WWOX: variants seen among roughly 807,000 people sequenced by gnomAD.
WWOX encodes WW domain containing oxidoreductase, also known as WW domain-containing oxidoreductase.
A neutral mutation model predicts 46.2 loss-of-function variants in WWOX; 69 were observed. That is an observed-to-expected ratio of 1.49 (90% CI 1.23 to 1.82). The LOEUF (loss-of-function observed/expected upper bound fraction) is 1.82. Among genes scored for constraint, WWOX ranks in the 40% most tolerant of loss-of-function variants. The pLI is 0.00. For missense variants in WWOX, 919 were observed against 542.6 expected (o/e 1.69, Z -6.89); for synonymous variants, 359 against 202.6 (o/e 1.77, Z -6.56).
intron 8 of WWOX, among the ~76,000 whole-genome samples, chr16:78,816,397 A>G (rs113391395): frequency 6.6e-6 from 1 of 151,246 alleles, no homozygotes; most frequent in Non-Finnish European, 1.5e-5. Flanking sequence ...CTTTTAATAG[A>G]TATTGCAAGT....
chr16:79,119,939 TGGTTCAG>T (rs2049594297), intron 8 of WWOX, among the ~76,000 whole-genome samples: 1 of 152,030 alleles, frequency 6.6e-6, no homozygotes, highest in African/African-American at 2.4e-5. Context: ...TGTACAGAAA[TGGTTCAG>T]GGGCCGTGGA....
In WWOX at chr16:78,160,610, G is replaced by C. The variant is rs117378087; in HGVS notation, c.410-3573G>C. Among the ~76,000 whole-genome samples the C allele has an allele frequency of 2.0e-5, 3 of 152,036 alleles. No individual in the cohort carries two copies. The East Asian group carries it at 5.8e-4, about 29-fold the overall frequency. Reference sequence around the variant, plus strand: ...TATTTCCAGAAATGAGAATTTTCTGGGATCTTGTTATTGATTTGTAATTTA... The same window carrying C: ...TATTTCCAGAAATGAGAATTTTCTGCGATCTTGTTATTGATTTGTAATTTA... On this transcript the variant is annotated intron_variant, in intron 4 of 8. Coordinates refer to ENST00000566780, the MANE Select transcript of WWOX (RefSeq NM_016373.4).
intron 5 of WWOX, among the ~76,000 whole-genome samples, chr16:78,225,507 T>TA (rs982157873): frequency 6.6e-6 from 1 of 152,214 alleles, no homozygotes; most frequent in Non-Finnish European, 1.5e-5. Flanking sequence ...TTTTAATTGT[T>TA]ACGCTTTAAA....
rs139934146 is a variant in WWOX, at chr16:78,824,338, T to A, written c.1057-387270T>A. Reference sequence around the variant, plus strand: ...AAATGTGTGATTGGTTGATTTACTGTATTCAGTCCAAGCTCCTCCCAAAGG... The same window carrying A: ...AAATGTGTGATTGGTTGATTTACTGAATTCAGTCCAAGCTCCTCCCAAAGG... On this transcript the variant is annotated intron_variant, in intron 8 of 8. Coordinates refer to ENST00000566780, the MANE Select transcript of WWOX (RefSeq NM_016373.4). Among the ~76,000 whole-genome samples the A allele has an allele frequency of 2.6e-4, 39 of 152,314 alleles. 2 individuals carry two copies. The East Asian group carries it at 7.5e-3, about 29-fold the overall frequency.
intron 8 of WWOX, among the ~76,000 whole-genome samples, chr16:78,788,739 T>C (rs1204421403): frequency 1.3e-5 from 2 of 152,180 alleles, no homozygotes; most frequent in Non-Finnish European, 2.9e-5. Flanking sequence ...AAGAGGGGGT[T>C]ATGGGAACTT....
rs984131616 is a variant in WWOX at position 79,177,235 on chromosome 16, C to T, written c.1057-34373C>T. On this transcript the variant is annotated intron_variant, in intron 8 of 8. Transcript: ENST00000566780. ...GACACATGCTGGATCTTATCAGCCG[C>T]GAGTGCCGTTGTGGCCGACTGAAAA... is the stretch of plus-strand genomic sequence containing the variant. Among the ~76,000 whole-genome samples, 24 of 152,252 alleles carry T rather than the reference C, an allele frequency of 1.6e-4. No individual in the cohort carries two copies. The East Asian group carries it at 1.9e-3, about 12-fold the overall frequency.
At chr16:78,471,022 A>G (rs746186567) in intron 8 of WWOX, among the ~76,000 whole-genome samples, 1 of 152,238 alleles carries the variant, frequency 6.6e-6, no homozygotes, top group Non-Finnish European at 1.5e-5. Context: ...TGCTTTCTAT[A>G]AAATGGTGTG....
At chr16:78,120,865 C>G (rs2033060043) in intron 4 of WWOX, among the ~76,000 whole-genome samples, 1 of 152,306 alleles carries the variant, frequency 6.6e-6, no homozygotes, top group South Asian at 2.1e-4. Flanking sequence ...GATTTTAAAT[C>G]CACACTTCCC....
chr16:78,399,364 C>T (rs1417036421), intron 6 of WWOX, among the ~76,000 whole-genome samples: 1 of 152,126 alleles, frequency 6.6e-6, no homozygotes, highest in Non-Finnish European at 1.5e-5. Flanking sequence ...TGTATGTAAT[C>T]GTAGTTACAA....
chr16:79,140,125 T>C (rs1455013734), intron 8 of WWOX, among the ~76,000 whole-genome samples: 6 of 152,166 alleles, frequency 3.9e-5, no homozygotes, highest in Non-Finnish European at 8.8e-5. Flanking sequence ...TACCTGTGTT[T>C]TGTGGTTGTT....
At chr16:79,207,061 C>A (rs1029847067) in intron 8 of WWOX, among the ~76,000 whole-genome samples, 1 of 152,142 alleles carries the variant, frequency 6.6e-6, no homozygotes, top group Non-Finnish European at 1.5e-5. Flanking sequence ...GTGGTTATAG[C>A]CTCTCCTGGG....
At chr16:78,850,799 A>C (rs2052424216) in intron 8 of WWOX, among the ~76,000 whole-genome samples, 1 of 152,184 alleles carries the variant, frequency 6.6e-6, no homozygotes, top group South Asian at 2.1e-4. Flanking sequence ...CTGGTCTTTG[A>C]GCCCCACTGT....
chr16:79,098,220 C>T (rs1163942910), intron 8 of WWOX, among the ~76,000 whole-genome samples: 1 of 151,604 alleles, frequency 6.6e-6, no homozygotes, highest in Non-Finnish European at 1.5e-5. Context: ...CATTTGATTG[C>T]AGATTGAATC....
At chr16:79,064,763 G>A (rs769751202) in intron 8 of WWOX, among the ~76,000 whole-genome samples, 8 of 152,160 alleles carry the variant, frequency 5.3e-5, no homozygotes, top group East Asian at 1.9e-4. Context: ...GTCAGGAGAC[G>A]CTTAAGGCAT....
At chr16:78,672,247 G>C (rs890175366) in intron 8 of WWOX, among the ~76,000 whole-genome samples, 1 of 152,124 alleles carries the variant, frequency 6.6e-6, no homozygotes, top group African/African-American at 2.4e-5. Context: ...CATGTTCAAG[G>C]TGATAACCGT....
chr16:78,198,248 CA>C (rs754556993), intron 5 of WWOX, among the ~76,000 whole-genome samples: 9 of 152,006 alleles, frequency 5.9e-5, no homozygotes, highest in Non-Finnish European at 1.0e-4. Context: ...AGGACATCCC[CA>C]GCATTCAAAG....
At chr16:78,561,175 C>T (rs2044426064) in intron 8 of WWOX, among the ~76,000 whole-genome samples, 1 of 152,122 alleles carries the variant, frequency 6.6e-6, no homozygotes, top group Admixed American at 6.5e-5. Flanking sequence ...CAGAGGCAAC[C>T]CACATTCCTT....
At chr16:78,626,075 TTTTACCTAATGAC>T (rs1188675018) in intron 8 of WWOX, among the ~76,000 whole-genome samples, 1 of 151,948 alleles carries the variant, frequency 6.6e-6, no homozygotes, top group African/African-American at 2.4e-5. Context: ...TTAAAAAATT[TTTTACCTAATGAC>T]TTTTTTGTGT....
At chr16:79,001,405 C>G (rs2047089834) in intron 8 of WWOX, among the ~76,000 whole-genome samples, 1 of 152,134 alleles carries the variant, frequency 6.6e-6, no homozygotes, top group East Asian at 1.9e-4. Flanking sequence ...TAGCAAAACC[C>G]AGCATGTAAC....
Sources: gnomAD v4.1 joint callset for allele counts (sites outside exome capture counted in the v4.1 genomes callset) on GRCh38, gnomAD v4.1.1 for gene constraint, MANE v1.5 for transcripts, NCBI Gene and HGNC (gene_info 2026-07-23, HGNC 2026-07-21) for gene names.